Variants in COL4A1 observed in about 807,000 individuals in gnomAD.
COL4A1 encodes collagen type IV alpha 1 chain.
In COL4A1, 40 loss-of-function variants were observed where a neutral mutation model predicts 216.6. The ratio of observed to expected loss-of-function variants is 0.18; its 90% confidence interval spans 0.14 to 0.24. COL4A1 has a LOEUF of 0.24. Among genes scored for constraint, COL4A1 ranks in the 10% least tolerant of loss-of-function variants. COL4A1 has a pLI of 1.00. For synonymous variants in COL4A1, 839 were observed against 810.7 expected (o/e 1.03, Z -0.59); for missense variants, 1,628 against 2,196.8 (o/e 0.74, Z 5.18).
intron 1 of COL4A1, among the ~76,000 whole-genome samples, chr13:110,286,640 C>A (rs1017352654): frequency 2.0e-5 from 3 of 152,192 alleles, no homozygotes; most frequent in African/African-American, 7.2e-5. Flanking sequence ...CGGTGGGTTA[C>A]TTCGTGGGGC....
chr13:110,302,497 A>G (rs1414808600), intron 1 of COL4A1, among the ~76,000 whole-genome samples: 1 of 152,206 alleles, frequency 6.6e-6, no homozygotes, highest in Non-Finnish European at 1.5e-5. Context: ...CTGCCCCTGC[A>G]GCTCACCCAC....
rs146638269 is a variant in COL4A1 at position 110,152,465 on chromosome 13, C to T, written c.4797G>A (p.Ala1599=). 1,840 of 1,613,778 alleles carry T rather than the reference C, an allele frequency of 1.1e-3. 3 individuals are homozygous for T. The highest frequency in any genetic ancestry group is 1.4e-3 in the Non-Finnish European group (1,690 of 1,180,028). ...AGAEGSGQAL[A]SPGSCLEEFR... is the part of the protein sequence containing the mutation. ...ACTCCTCCAGGCAGGAGCCGGGGGACGCCAGGGCTTGGCCAGAGCCTTCTG... is the reference window on the plus strand; with the variant it reads ...ACTCCTCCAGGCAGGAGCCGGGGGATGCCAGGGCTTGGCCAGAGCCTTCTG... Residue 1599 remains alanine, a synonymous_variant, in exon 51 of 52, where the codon GCG becomes GCA. Coordinates refer to ENST00000375820, the MANE Select transcript of COL4A1 (RefSeq NM_001845.6).
At chr13:110,158,562 C>G (rs900972364) in intron 49 of COL4A1, among the ~76,000 whole-genome samples, 1 of 144,264 alleles carries the variant, frequency 6.9e-6, no homozygotes, top group African/African-American at 2.5e-5. Flanking sequence ...GATACTGCTA[C>G]ATCTTTCTTC....
intron 2 of COL4A1, among the ~76,000 whole-genome samples, chr13:110,233,164 T>A (rs1881144712): frequency 6.6e-6 from 1 of 152,156 alleles, no homozygotes; most frequent in Admixed American, 6.5e-5. Flanking sequence ...TTTAAAAAAA[T>A]TCATTGTTTT....
intron 1 of COL4A1, among the ~76,000 whole-genome samples, chr13:110,303,348 G>T (rs1884567672): frequency 6.6e-6 from 1 of 151,840 alleles, no homozygotes; most frequent in Non-Finnish European, 1.5e-5. Context: ...TGGGGCCTCA[G>T]TTGGAGCTGG....
chr13:110,205,247 T>C, intron 17 of COL4A1, 106 bp downstream of exon 17: 2 of 1,350,190 alleles, frequency 1.5e-6, no homozygotes, highest in Non-Finnish European at 2.1e-6. Context: ...GCATAAATGA[T>C]TTTTTTCCCT....
chr13:110,268,437 C>T lies in COL4A1; in HGVS notation c.85-25703G>A, dbSNP rs1177331067. On this transcript the variant is annotated intron_variant, in intron 1 of 51. Transcript: ENST00000375820. This position sits in a 1 kb window ranked among gnomAD's most constrained non-coding sequence, Gnocchi z 4.1. ...CTCTCTGCTCTCTTTAGAGAGAAGG[C>T]AACCATCCTCGCCAGTCCAAGTGAG... is the stretch of plus-strand genomic sequence containing the variant. Among the ~76,000 whole-genome samples the T allele has an allele frequency of 6.6e-6, 1 of 152,176 alleles. No homozygotes were observed. Among genetic ancestry groups the T allele is most frequent in the Non-Finnish European group, 1.5e-5 (1 of 68,030 alleles).
intron 2 of COL4A1, among the ~76,000 whole-genome samples, chr13:110,227,493 G>A (rs1880795538): frequency 1.3e-5 from 2 of 151,886 alleles, no homozygotes; most frequent in South Asian, 2.1e-4. Context: ...GAGACATAAA[G>A]AGAGAGAAGC....
intron 48 of COL4A1, 173 bp downstream of exon 48, chr13:110,162,057 A>G (rs1200561884): frequency 1.4e-6 from 1 of 719,918 alleles, no homozygotes; most frequent in African/African-American, 1.7e-5. Flanking sequence ...ATTATTTGTA[A>G]TCAATGGAGG....
chr13:110,301,906 A>T (rs1884509722), intron 1 of COL4A1, among the ~76,000 whole-genome samples: 1 of 152,228 alleles, frequency 6.6e-6, no homozygotes, highest in African/African-American at 2.4e-5. Flanking sequence ...GTGAGATAGT[A>T]GGTGGCCATG....
intron 1 of COL4A1, among the ~76,000 whole-genome samples, chr13:110,243,266 T>G (rs1228643208): frequency 2.0e-5 from 3 of 152,118 alleles, no homozygotes; most frequent in Admixed American, 6.5e-5. Context: ...TGAATTCAAT[T>G]AAAGCTTGAA....
In COL4A1 at chr13:110,268,680, C is replaced by T. The variant is rs1462289665; in HGVS notation, c.85-25946G>A. Reference sequence around the variant, plus strand: ...TGCCAAGGGGCTCTACCTCTCCAAACCCGGGTGCCTTGTCCATGACCCCAT... The same window carrying T: ...TGCCAAGGGGCTCTACCTCTCCAAATCCGGGTGCCTTGTCCATGACCCCAT... On this transcript the variant is annotated intron_variant, in intron 1 of 51. Coordinates refer to ENST00000375820, the MANE Select transcript of COL4A1 (RefSeq NM_001845.6). This position sits in a 1 kb window ranked among gnomAD's most constrained non-coding sequence, Gnocchi z 4.1. Among the ~76,000 whole-genome samples the T allele has an allele frequency of 6.6e-6, 1 of 152,222 alleles. No individual in the cohort carries two copies. The highest frequency in any genetic ancestry group is 1.5e-5 in the Non-Finnish European group (1 of 68,048).
chr13:110,231,940 G>T (rs1231926847), intron 2 of COL4A1, among the ~76,000 whole-genome samples: 5 of 152,208 alleles, frequency 3.3e-5, no homozygotes, highest in Admixed American at 3.3e-4. Flanking sequence ...AAGTCCTCAA[G>T]CTCTAGCAAG....
intron 1 of COL4A1, among the ~76,000 whole-genome samples, chr13:110,305,160 T>C (rs2220833): frequency 0.34 from 51,737 of 152,082 alleles, 8,886 homozygotes; most frequent in Admixed American, 0.39. Context: ...TACAGAGTAA[T>C]GATAATATCT....
chr13:110,182,666 C>A (rs1288638445), intron 28 of COL4A1, among the ~76,000 whole-genome samples: 1 of 152,232 alleles, frequency 6.6e-6, no homozygotes, highest in East Asian at 1.9e-4. Context: ...CCCAACCCAC[C>A]CTGGCTGTGT....
At chr13:110,213,715 G>T in intron 4 of COL4A1, 67 bp downstream of exon 4, 1 of 1,508,218 alleles carries the variant, frequency 6.6e-7, no homozygotes, top group Non-Finnish European at 9.2e-7. Context: ...GGGAAAAGGT[G>T]CCCGGCTCTG....
intron 47 of COL4A1, among the ~76,000 whole-genome samples, chr13:110,162,690 G>A (rs1160097590): frequency 1.3e-5 from 2 of 152,034 alleles, no homozygotes; most frequent in Non-Finnish European, 2.9e-5. Context: ...ACAGTTCTCG[G>A]TGCAGAGCAG....
chr13:110,274,838 G>A (rs920414118), intron 1 of COL4A1, among the ~76,000 whole-genome samples: 2 of 152,156 alleles, frequency 1.3e-5, no homozygotes, highest in Non-Finnish European at 1.5e-5. Context: ...TTGTGCCAAC[G>A]CCAGGCCCTA....
At chr13:110,239,784 C>A (rs1881476437) in intron 2 of COL4A1, among the ~76,000 whole-genome samples, 1 of 152,134 alleles carries the variant, frequency 6.6e-6, no homozygotes, top group Non-Finnish European at 1.5e-5. Flanking sequence ...GACCTGCCAG[C>A]CTAGAGTACA....
Sources: allele counts gnomAD v4.1 joint callset (sites outside exome capture counted in the v4.1 genomes callset), GRCh38; gene constraint gnomAD v4.1.1; non-coding constraint Gnocchi (gnomAD v3.1); transcripts MANE v1.5; gene names NCBI Gene and HGNC (gene_info 2026-07-23, HGNC 2026-07-21).